Variants in PDE1A observed in about 807,000 individuals in gnomAD.
The protein encoded by PDE1A is phosphodiesterase 1A, also known as dual specificity calcium/calmodulin-dependent 3',5'-cyclic nucleotide phosphodiesterase 1A.
Under a neutral mutation model 61.7 loss-of-function variants are expected in PDE1A, and 35 were observed. The observed-to-expected ratio is 0.57, with a 90% CI of 0.43 to 0.75. The LOEUF (loss-of-function observed/expected upper bound fraction) is 0.75, where lower values mean the gene tolerates loss of function less well. Ranked by LOEUF, PDE1A falls within the 30% of genes least tolerant of loss-of-function variation. The pLI, the probability that PDE1A is intolerant of heterozygous loss-of-function variation, is 0.00. For synonymous variants in PDE1A, 232 were observed against 213.2 expected (o/e 1.09, Z -0.77); for missense variants, 597 against 630.6 (o/e 0.95, Z 0.57).
intron 10 of PDE1A, among the ~76,000 whole-genome samples, chr2:182,195,501 A>G (rs1559167153): frequency 1.3e-5 from 2 of 152,108 alleles, no homozygotes; most frequent in Non-Finnish European, 2.9e-5. Flanking sequence ...TAGGCTTCTT[A>G]TGTTTGACCA....
chr2:182,407,530 C>T (rs1702370499), intron 1 of PDE1A, among the ~76,000 whole-genome samples: 1 of 151,962 alleles, frequency 6.6e-6, no homozygotes, highest in Non-Finnish European at 1.5e-5. Flanking sequence ...TACAGGTTCC[C>T]GCCATCACAC....
intron 1 of PDE1A, among the ~76,000 whole-genome samples, chr2:182,295,348 G>C (rs1694816497): frequency 6.6e-6 from 1 of 152,066 alleles, no homozygotes; most frequent in African/African-American, 2.4e-5. Context: ...TGAATAAAAG[G>C]TAATCTTATC....
At chr2:182,171,024 C>G (rs2125325174) in intron 13 of PDE1A, among the ~76,000 whole-genome samples, 1 of 152,040 alleles carries the variant, frequency 6.6e-6, no homozygotes, top group South Asian at 2.1e-4. Flanking sequence ...TAGTGAAAAA[C>G]ACTTCTAGTT....
chr2:182,239,119 C>T (rs1304788045), intron 3 of PDE1A, among the ~76,000 whole-genome samples: 1 of 152,154 alleles, frequency 6.6e-6, no homozygotes, highest in East Asian at 1.9e-4. Context: ...CATGCATTCT[C>T]ATTTACACTT....
chr2:182,175,486 T>G (rs1224230429), intron 13 of PDE1A, among the ~76,000 whole-genome samples: 1 of 145,234 alleles, frequency 6.9e-6, no homozygotes, highest in African/African-American at 2.6e-5. Flanking sequence ...TGTCTTCTTT[T>G]GAGAAGTGTC....
the PDE1A span, among the ~76,000 whole-genome samples, chr2:182,611,163 C>T: frequency 6.6e-6 from 1 of 152,188 alleles, no homozygotes; most frequent in African/African-American, 2.4e-5. Context: ...CCTAAACCTA[C>T]AATACGTAAG....
At chr2:182,498,737 G>GGT (rs1173226963) in intron 2 of PDE1A, among the ~76,000 whole-genome samples, 1 of 151,918 alleles carries the variant, frequency 6.6e-6, no homozygotes, top group African/African-American at 2.4e-5. Context: ...GAGGTTAGGA[G>GGT]ATCGAGACCA....
At chr2:182,611,840 A>G in the PDE1A span, among the ~76,000 whole-genome samples, 1 of 152,230 alleles carries the variant, frequency 6.6e-6, no homozygotes, top group Non-Finnish European at 1.5e-5. Context: ...GAAACTGATG[A>G]CCGGCTTTAA....
At chr2:182,574,865 A>AT in the PDE1A span, among the ~76,000 whole-genome samples, 2 of 151,816 alleles carry the variant, frequency 1.3e-5, no homozygotes, top group Admixed American at 6.6e-5. Context: ...TAATTTTTGT[A>AT]TTTTTTAGTA....
chr2:182,444,619 A>C (rs1047131238), intron 2 of PDE1A, among the ~76,000 whole-genome samples: 18 of 151,854 alleles, frequency 1.2e-4, no homozygotes, highest in Non-Finnish European at 1.3e-4. Flanking sequence ...CTATCAATAT[A>C]TCTCTCTCTC....
intron 6 of PDE1A, among the ~76,000 whole-genome samples, chr2:182,227,285 TACTC>T (rs917396785): frequency 1.3e-5 from 2 of 152,034 alleles, no homozygotes; most frequent in Non-Finnish European, 2.9e-5. Context: ...ATGTCTGAAT[TACTC>T]AGGATGTGTG....
the PDE1A span, among the ~76,000 whole-genome samples, chr2:182,646,469 C>CA: frequency 2.0e-5 from 3 of 150,714 alleles, no homozygotes; most frequent in Admixed American, 6.6e-5. Flanking sequence ...GCGGGCAGAT[C>CA]ACAAGGTCAG....
the PDE1A span, among the ~76,000 whole-genome samples, chr2:182,658,458 T>C: frequency 6.6e-6 from 1 of 152,230 alleles, no homozygotes; most frequent in African/African-American, 2.4e-5. Context: ...AATTTGATTA[T>C]ATGTGCGAAG....
chr2:182,298,588 C>A (rs539794508), intron 1 of PDE1A, among the ~76,000 whole-genome samples: 2 of 152,056 alleles, frequency 1.3e-5, no homozygotes, highest in Admixed American at 1.3e-4. Context: ...AGGATAGCAG[C>A]CTTTCTTTTA....
rs1559452464 is a variant in PDE1A at position 182,426,749 on chromosome 2, TC to T, written c.-120del. ...AGCCCAGAAAGAAAAAGTAGTTTCC[TC>T]TTTCTCTTTTTGGGTGCTGGGAGAA... is the stretch of plus-strand genomic sequence containing the variant. On this transcript the variant is annotated 5_prime_UTR_variant, in exon 1 of 14. The change abolishes the stop of an existing upstream ORF in the 5' untranslated region. Transcript: ENST00000351439. 1 of 1,535,572 alleles carries T rather than the reference TC, an allele frequency of 6.5e-7. No homozygotes were observed. Among genetic ancestry groups the T allele is most frequent in the Non-Finnish European group, 8.7e-7 (1 of 1,146,012 alleles).
intron 11 of PDE1A, among the ~76,000 whole-genome samples, chr2:182,188,484 A>G (rs1253739042): frequency 2.6e-5 from 4 of 152,242 alleles, no homozygotes; most frequent in Non-Finnish European, 5.9e-5. Flanking sequence ...GATGATAAGA[A>G]TGAATGTGGT....
the PDE1A span, among the ~76,000 whole-genome samples, chr2:182,596,695 A>T: frequency 6.6e-6 from 1 of 152,006 alleles, no homozygotes. Context: ...GGATGGATGG[A>T]TGGATGGATG....
At chr2:182,174,468 G>C (rs1692540357) in intron 13 of PDE1A, among the ~76,000 whole-genome samples, 1 of 152,038 alleles carries the variant, frequency 6.6e-6, no homozygotes, top group African/African-American at 2.4e-5. Flanking sequence ...TTTTCAGAAG[G>C]AGCAAGAGAA....
At chr2:182,561,618 T>C in the PDE1A span, among the ~76,000 whole-genome samples, 1 of 152,226 alleles carries the variant, frequency 6.6e-6, no homozygotes, top group Non-Finnish European at 1.5e-5. Context: ...TTGATGGGAA[T>C]GCTATTGAAT....
Sources: gnomAD v4.1 joint callset for allele counts (sites outside exome capture counted in the v4.1 genomes callset) on GRCh38, gnomAD v4.1.1 for gene constraint, MANE v1.5 for transcripts, NCBI Gene and HGNC (gene_info 2026-07-23, HGNC 2026-07-21) for gene names.